Variants in RBFOX1 observed in about 807,000 individuals in gnomAD.
The protein encoded by RBFOX1 is RNA binding fox-1 homolog 1.
A neutral mutation model predicts 57.7 loss-of-function variants in RBFOX1; 8 were observed. The observed-to-expected ratio is 0.14, with a 90% CI of 0.08 to 0.25. The LOEUF (loss-of-function observed/expected upper bound fraction) is 0.25. Among genes scored for constraint, RBFOX1 ranks in the 10% least tolerant of loss-of-function variants. The probability of loss-of-function intolerance (pLI) is 1.00; values close to 1 mark genes in which losing one functional copy is unlikely to be tolerated. For synonymous variants in RBFOX1, 326 were observed against 222.4 expected (o/e 1.47, Z -4.15); for missense variants, 611 against 548.5 (o/e 1.11, Z -1.14).
At chr16:5,597,634 A>T (rs998458845) in intron 2 of RBFOX1, among the ~76,000 whole-genome samples, 1 of 152,148 alleles carries the variant, frequency 6.6e-6, no homozygotes, top group South Asian at 2.1e-4. Flanking sequence ...TCCTGACCTC[A>T]GGTGATCTGT....
intron 2 of RBFOX1, among the ~76,000 whole-genome samples, chr16:6,335,797 A>AAAAAAGAAAAGAAAAG (rs1555630917): frequency 1.3e-5 from 2 of 149,656 alleles, no homozygotes; most frequent in African/African-American, 5.0e-5. Flanking sequence ...AAAAGAAAAA[A>AAAAAAGAAAAGAAAAG]AAAAGAAAAG....
chr16:7,117,784 G>C lies in RBFOX1; in HGVS notation c.27+65686G>C, dbSNP rs547800238. Among the ~76,000 whole-genome samples the C allele has an allele frequency of 7.9e-5, 12 of 152,260 alleles. No homozygotes were observed. The South Asian group carries it at 2.5e-3, about 32-fold the overall frequency. On this transcript the variant is annotated intron_variant, in intron 4 of 15. Coordinates refer to ENST00000550418, the MANE Select transcript of RBFOX1 (RefSeq NM_018723.4). ...CTAATAGACTGCAGTCAGGGTATCAGCCAGGACTGGGTTCTCATTAGAGAC... is the reference window on the plus strand; with the variant it reads ...CTAATAGACTGCAGTCAGGGTATCACCCAGGACTGGGTTCTCATTAGAGAC...
chr16:7,189,975 T>C (rs765002231), intron 4 of RBFOX1, among the ~76,000 whole-genome samples: 5 of 152,218 alleles, frequency 3.3e-5, no homozygotes, highest in Non-Finnish European at 5.9e-5. Context: ...GAGTTCTTCA[T>C]TGAGCAATGA....
At chr16:6,574,831 G>A (rs1426726288) in intron 2 of RBFOX1, among the ~76,000 whole-genome samples, 1 of 148,740 alleles carries the variant, frequency 6.7e-6, no homozygotes, top group African/African-American at 2.5e-5. Context: ...GAGGTCAGGC[G>A]ATCCAGACCA....
rs13332918 is a variant in RBFOX1 at position 7,159,944 on chromosome 16, C to T, written c.27+107846C>T. ...CATTTTATTATACCTTTGTTTTTCA[C>T]TAAATATCAGAATTCCTTCCTTGAG... On this transcript the variant is annotated intron_variant, in intron 4 of 15. Coordinates refer to ENST00000550418, the MANE Select transcript of RBFOX1 (RefSeq NM_018723.4). 8.8e-3 allele frequency among the ~76,000 whole-genome samples: 1,338 copies of T among 152,236 alleles called. 22 individuals carry two copies. The highest frequency in any genetic ancestry group is 0.03 in the African/African-American group (1,262 of 41,542).
intron 4 of RBFOX1, among the ~76,000 whole-genome samples, chr16:7,195,798 C>G (rs966951491): frequency 6.6e-6 from 1 of 152,192 alleles, no homozygotes; most frequent in African/African-American, 2.4e-5. Flanking sequence ...GGTAATCTGC[C>G]TGCCTCTGCC....
At chr16:7,095,974 C>G (rs377095978) in intron 4 of RBFOX1, among the ~76,000 whole-genome samples, 2 of 142,696 alleles carry the variant, frequency 1.4e-5, no homozygotes, top group Admixed American at 1.4e-4. Flanking sequence ...GATCGCACCA[C>G]TGCACTCCAG....
intron 4 of RBFOX1, among the ~76,000 whole-genome samples, chr16:7,057,728 C>G (rs2052818830): frequency 6.6e-6 from 1 of 152,106 alleles, no homozygotes; most frequent in African/African-American, 2.4e-5. Context: ...ACCATAGATG[C>G]CGGGTGCAGT....
At chr16:5,938,821 C>G (rs921956929) in intron 4 of RBFOX1, among the ~76,000 whole-genome samples, 32 of 152,102 alleles carry the variant, frequency 2.1e-4, no homozygotes, top group African/African-American at 7.2e-4. Context: ...AACCACTCAG[C>G]TGAGCCTAGC....
At chr16:6,116,156 A>G (rs1164500723) in intron 1 of RBFOX1, among the ~76,000 whole-genome samples, 1 of 152,108 alleles carries the variant, frequency 6.6e-6, no homozygotes, top group Non-Finnish European at 1.5e-5. Context: ...ATTCTCAGCA[A>G]ACTAACACAG....
At chr16:6,334,243 C>G (rs1599739534) in intron 2 of RBFOX1, among the ~76,000 whole-genome samples, 1 of 152,082 alleles carries the variant, frequency 6.6e-6, no homozygotes, top group South Asian at 2.1e-4. Context: ...TGTGGTGGCT[C>G]ACGCCTGTAA....
chr16:6,488,241 T>A (rs74005235), intron 2 of RBFOX1, among the ~76,000 whole-genome samples: 1 of 152,220 alleles, frequency 6.6e-6, no homozygotes, highest in African/African-American at 2.4e-5. Flanking sequence ...GTTGTTTAGT[T>A]GTAGTCTCTA....
chr16:6,319,946 G>T (rs2081568265), intron 2 of RBFOX1, among the ~76,000 whole-genome samples: 1 of 151,796 alleles, frequency 6.6e-6, no homozygotes, highest in African/African-American at 2.4e-5. Flanking sequence ...TTTTTCTTTG[G>T]TCTAGTGCTA....
Position 6,344,230 on chromosome 16 carries a change from T to G in RBFOX1, c.-64+27173T>G, listed in dbSNP as rs1336289945. ...CACACCCGGCTAATTTTTATATTTT[T>G]AGTAGACACGGGGTTTCACCATGTT... On this transcript the variant is annotated intron_variant, in intron 2 of 15. Coordinates refer to ENST00000550418, the MANE Select transcript of RBFOX1 (RefSeq NM_018723.4). Among the ~76,000 whole-genome samples, 3 of 151,954 alleles carry G rather than the reference T, an allele frequency of 2.0e-5. No homozygotes were observed. The East Asian group carries it at 5.8e-4, about 29-fold the overall frequency.
chr16:6,803,324 A>C (rs569807743), intron 3 of RBFOX1, among the ~76,000 whole-genome samples: 5 of 152,190 alleles, frequency 3.3e-5, no homozygotes, highest in Non-Finnish European at 7.3e-5. Context: ...AGTCATTGGA[A>C]GCAGAAAACT....
chr16:5,886,288 T>G (rs991023153), intron 4 of RBFOX1, among the ~76,000 whole-genome samples: 1 of 152,226 alleles, frequency 6.6e-6, no homozygotes, highest in Admixed American at 6.5e-5. Flanking sequence ...TGTCCTTATC[T>G]GTAAAACAGA....
rs187740536 is a variant in RBFOX1, at chr16:7,005,754, C to T, written c.-15-46303C>T. ...CTAGGTGATCATGTCTGAACTCAGT[C>T]CAAAACATGGACCTTGCCTAAATCG... On this transcript the variant is annotated intron_variant, in intron 3 of 15. Transcript: ENST00000550418. Among the ~76,000 whole-genome samples the T allele has an allele frequency of 2.2e-3, 339 of 152,310 alleles. 3 individuals are homozygous for T. The highest frequency in any genetic ancestry group is 7.1e-3 in the African/African-American group (294 of 41,564).
At chr16:6,006,170 AC>A in intron 4 of RBFOX1, among the ~76,000 whole-genome samples, 1 of 152,292 alleles carries the variant, frequency 6.6e-6, no homozygotes, top group Non-Finnish European at 1.5e-5. Flanking sequence ...TGGTAATAGC[AC>A]CCGGTTTCCT....
intron 3 of RBFOX1, among the ~76,000 whole-genome samples, chr16:6,841,447 G>C (rs559528435): frequency 1.3e-4 from 20 of 152,164 alleles, no homozygotes; most frequent in Non-Finnish European, 2.1e-4. Flanking sequence ...TTGTTTGCTT[G>C]TCAATAAAAC....
Sources: allele counts gnomAD v4.1 joint callset (sites outside exome capture counted in the v4.1 genomes callset), GRCh38; gene constraint gnomAD v4.1.1; transcripts MANE v1.5; gene names NCBI Gene and HGNC (gene_info 2026-07-23, HGNC 2026-07-21).